PDGFC: variants seen among roughly 807,000 people sequenced by gnomAD.
The protein encoded by PDGFC is platelet-derived growth factor C.
A neutral mutation model predicts 35.5 loss-of-function variants in PDGFC; 12 were observed. That is an observed-to-expected ratio of 0.34 (90% CI 0.22 to 0.55). PDGFC has a LOEUF of 0.55. PDGFC is among the 20% of genes least tolerant of loss of function. PDGFC has a pLI of 0.91. For missense variants in PDGFC, 322 were observed against 412.4 expected (o/e 0.78, Z 1.90); for synonymous variants, 159 against 148.8 (o/e 1.07, Z -0.50).
At chr4:156,843,007 A>G (rs1364243104) in intron 2 of PDGFC, among the ~76,000 whole-genome samples, 2 of 152,070 alleles carry the variant, frequency 1.3e-5, no homozygotes, top group Non-Finnish European at 2.9e-5. Flanking sequence ...CAACTACAAC[A>G]CACCCTCCTC....
chr4:156,832,898 A>G (rs1728979703), intron 2 of PDGFC, among the ~76,000 whole-genome samples: 1 of 152,172 alleles, frequency 6.6e-6, no homozygotes. Context: ...CTGGGGGACT[A>G]CTTATACTTT....
At chr4:156,889,680 G>A (rs991933835) in intron 1 of PDGFC, among the ~76,000 whole-genome samples, 1 of 152,178 alleles carries the variant, frequency 6.6e-6, no homozygotes, top group Non-Finnish European at 1.5e-5. Flanking sequence ...TAATGGAACA[G>A]TTTAATACAG....
At chr4:156,869,524 T>G (rs564661672) in intron 1 of PDGFC, among the ~76,000 whole-genome samples, 19 of 152,306 alleles carry the variant, frequency 1.2e-4, no homozygotes, top group African/African-American at 4.6e-4. Context: ...ATTATTTAGC[T>G]TTCTCATACA....
In PDGFC at chr4:156,834,091, T is replaced by C. The variant is rs116596413; in HGVS notation, c.314+16130A>G. Among the ~76,000 whole-genome samples, 319 of 152,272 alleles carry C rather than the reference T, an allele frequency of 2.1e-3. 1 individual carries two copies. Among genetic ancestry groups the C allele is most frequent in the African/African-American group, 7.4e-3 (308 of 41,552 alleles). Reference sequence around the variant, plus strand: ...CTTCCCTCCTTTATTTCATACCTTCTCTTTTTCCTTCTTTGTATATTACAC... The same window carrying C: ...CTTCCCTCCTTTATTTCATACCTTCCCTTTTTCCTTCTTTGTATATTACAC... On this transcript the variant is annotated intron_variant, in intron 2 of 5. Coordinates refer to ENST00000502773, the MANE Select transcript of PDGFC (RefSeq NM_016205.3).
chr4:156,777,855 C>A (rs1228230476), intron 3 of PDGFC, among the ~76,000 whole-genome samples: 1 of 152,138 alleles, frequency 6.6e-6, no homozygotes, highest in Non-Finnish European at 1.5e-5. Flanking sequence ...GTAATCCCAG[C>A]ACTTCCCGAA....
intron 1 of PDGFC, among the ~76,000 whole-genome samples, chr4:156,951,165 A>C (rs1288270288): frequency 6.6e-6 from 1 of 151,910 alleles, no homozygotes; most frequent in Non-Finnish European, 1.5e-5. Context: ...GGAGAAAATA[A>C]ATAAACCTCC....
rs371877120 is a variant in PDGFC at position 156,768,034 on chromosome 4, T to G, written c.704-44A>C. 2.0e-4 allele frequency: 222 copies of G among 1,136,324 alleles called. No homozygotes were observed. In the African/African-American group the frequency reaches 2.9e-3, roughly 15 times the overall value. 70.4% of individuals were successfully genotyped at this position (1,136,324 alleles called of 1,614,324 possible). ...AGCAAAGAAAAATAGATGTTGATGC[T>G]TTGAGCCTGAATGTATTTCATTAAG... On this transcript the variant is annotated intron_variant, in intron 4 of 5. Coordinates refer to ENST00000502773, the MANE Select transcript of PDGFC (RefSeq NM_016205.3).
chr4:156,829,932 C>T (rs1728887278), intron 2 of PDGFC, among the ~76,000 whole-genome samples: 2 of 152,052 alleles, frequency 1.3e-5, no homozygotes, highest in Non-Finnish European at 2.9e-5. Context: ...ACAAGAGTCT[C>T]AAACCACTTG....
intron 1 of PDGFC, among the ~76,000 whole-genome samples, chr4:156,968,097 T>C (rs1732507428): frequency 6.6e-6 from 1 of 152,216 alleles, no homozygotes; most frequent in South Asian, 2.1e-4. Context: ...TAAATCCATG[T>C]ATGCAGCATT....
intron 3 of PDGFC, chr4:156,774,260 C>T (rs1730763283): frequency 6.6e-6 from 1 of 152,240 alleles, no homozygotes; most frequent in Admixed American, 6.5e-5. Flanking sequence ...AGTCTCTTCA[C>T]TGACTACTGC....
At chr4:156,952,058 A>G (rs1227445261) in intron 1 of PDGFC, among the ~76,000 whole-genome samples, 2 of 151,890 alleles carry the variant, frequency 1.3e-5, no homozygotes, top group Non-Finnish European at 2.9e-5. Flanking sequence ...AAACAAAACA[A>G]AATGTGTCCT....
intron 2 of PDGFC, among the ~76,000 whole-genome samples, chr4:156,848,140 A>C (rs1179610266): frequency 6.6e-6 from 1 of 151,890 alleles, no homozygotes; most frequent in Non-Finnish European, 1.5e-5. Flanking sequence ...ATAAAAAGGT[A>C]ATATGAATGG....
chr4:156,797,436 G>A (rs1324651203), intron 3 of PDGFC, among the ~76,000 whole-genome samples: 1 of 151,910 alleles, frequency 6.6e-6, no homozygotes, highest in African/African-American at 2.4e-5. Flanking sequence ...AAAGTGATAC[G>A]CAAAAAACAG....
chr4:156,804,268 T>C (rs1184151507), intron 3 of PDGFC, among the ~76,000 whole-genome samples: 1 of 151,976 alleles, frequency 6.6e-6, no homozygotes, highest in Non-Finnish European at 1.5e-5. Flanking sequence ...AAAGTAATCG[T>C]ATTCTGATCA....
chr4:156,766,674 C>G (rs919612732), intron 5 of PDGFC, among the ~76,000 whole-genome samples: 1 of 152,016 alleles, frequency 6.6e-6, no homozygotes, highest in African/African-American at 2.4e-5. Context: ...AATAAAATGA[C>G]TTTTCATATG....
chr4:156,888,728 C>T (rs556557558), intron 1 of PDGFC, among the ~76,000 whole-genome samples: 41 of 152,254 alleles, frequency 2.7e-4, no homozygotes, highest in African/African-American at 9.6e-4. Flanking sequence ...TGCCCCTACC[C>T]AAACAATCTT....
chr4:156,841,147 G>T (rs1174864041), intron 2 of PDGFC, among the ~76,000 whole-genome samples: 1 of 151,902 alleles, frequency 6.6e-6, no homozygotes, highest in Non-Finnish European at 1.5e-5. Flanking sequence ...GATTTGGGAG[G>T]GGGGCTGGGG....
At chr4:156,953,923 C>A (rs1732144361) in intron 1 of PDGFC, among the ~76,000 whole-genome samples, 5 of 151,936 alleles carry the variant, frequency 3.3e-5, no homozygotes, top group Admixed American at 3.3e-4. Context: ...AATGCCATTC[C>A]TTCTCATTCT....
At chr4:156,801,910 C>T (rs997195157) in intron 3 of PDGFC, among the ~76,000 whole-genome samples, 5 of 152,224 alleles carry the variant, frequency 3.3e-5, no homozygotes, top group South Asian at 2.1e-4. Context: ...AAGTAGACAG[C>T]GACAGATAAA....
Sources: allele counts gnomAD v4.1 joint callset (sites outside exome capture counted in the v4.1 genomes callset), GRCh38; gene constraint gnomAD v4.1.1; transcripts MANE v1.5; gene names NCBI Gene and HGNC (gene_info 2026-07-23, HGNC 2026-07-21).